Variants in ITGAM observed in about 807,000 individuals in gnomAD.
ITGAM encodes the protein integrin alpha-M.
A neutral mutation model predicts 137.5 loss-of-function variants in ITGAM; 79 were observed. The observed-to-expected ratio is 0.57, with a 90% CI of 0.48 to 0.69. The LOEUF is 0.69. Among genes scored for constraint, ITGAM ranks in the 30% least tolerant of loss-of-function variants. The probability of loss-of-function intolerance (pLI) is 0.00; values close to 1 mark genes in which losing one functional copy is unlikely to be tolerated. For synonymous variants in ITGAM, 583 were observed against 592.3 expected (o/e 0.98, Z 0.23); for missense variants, 1,343 against 1,483.5 (o/e 0.91, Z 1.56).
chr16:31,303,079 G>A (rs1276125205), intron 14 of ITGAM, among the ~76,000 whole-genome samples: 4 of 150,204 alleles, frequency 2.7e-5, no homozygotes, highest in Non-Finnish European at 4.4e-5. Flanking sequence ...TGTTGCCCAG[G>A]CTGGAGTGCA....
At chr16:31,328,401 T>G (rs561349027) in intron 23 of ITGAM, among the ~76,000 whole-genome samples, 171 bp downstream of exon 23, 31 of 151,588 alleles carry the variant, frequency 2.0e-4, no homozygotes, top group African/African-American at 7.5e-4. Context: ...AGTGTGATGA[T>G]CTATGTGCAT....
rs376770639 is a variant in ITGAM, at chr16:31,329,319, G to A, written c.2868+16G>A. On this transcript the variant is annotated intron_variant, in intron 24 of 29. Transcript: ENST00000544665. ...TCAATATCAGGTGGGCAGCTGGGAC[G>A]TCTGGGTCCTGAGAAGGAGGCTGGG... 16 of 1,578,314 alleles carry A rather than the reference G, an allele frequency of 1.0e-5. No individual in the cohort carries two copies. In the East Asian group the frequency reaches 1.1e-4, roughly 11 times the overall value.
rs774156664 is a variant in ITGAM at position 31,321,322 on chromosome 16, GGACT to G, written c.1791_1794del (p.Leu598Ter). The G allele has an allele frequency of 1.2e-6, 2 of 1,613,908 alleles. No homozygotes were observed. Among genetic ancestry groups the G allele is most frequent in the Non-Finnish European group, 1.7e-6 (2 of 1,179,908 alleles). On this transcript the variant is annotated frameshift_variant, in exon 15 of 30. Transcript: ENST00000544665. LOFTEE classifies it high-confidence loss of function. Reference sequence around the variant, plus strand: ...TGGGGGCCAGGACCTCACAATGGATGGACTGGTAGACCTGACTGTAGGAGCCCAG... The same window carrying G: ...TGGGGGCCAGGACCTCACAATGGATGGGTAGACCTGACTGTAGGAGCCCAG...
chr16:31,260,660 G>A (rs1263105944), intron 1 of ITGAM, among the ~76,000 whole-genome samples: 2 of 152,206 alleles, frequency 1.3e-5, no homozygotes, highest in African/African-American at 4.8e-5. Context: ...GCAAATCATC[G>A]TTGTGACACC....
At chr16:31,313,053 A>G (rs1165213188) in intron 14 of ITGAM, among the ~76,000 whole-genome samples, 1 of 151,782 alleles carries the variant, frequency 6.6e-6, no homozygotes, top group African/African-American at 2.4e-5. Flanking sequence ...CCCCATCTCT[A>G]CTAAAAATAC....
chr16:31,267,396 T>A (rs1452758231), intron 5 of ITGAM, among the ~76,000 whole-genome samples: 1 of 152,072 alleles, frequency 6.6e-6, no homozygotes, highest in Non-Finnish European at 1.5e-5. Flanking sequence ...AGGCATGGAC[T>A]CCCTCCACTT....
chr16:31,291,019 T>C (rs1446567706), intron 12 of ITGAM, among the ~76,000 whole-genome samples: 2 of 152,176 alleles, frequency 1.3e-5, no homozygotes, highest in African/African-American at 2.4e-5. Context: ...ACGAATCATG[T>C]ACGGTAACTT....
At chr16:31,291,933 A>G (rs1048519880) in intron 12 of ITGAM, among the ~76,000 whole-genome samples, 1 of 152,128 alleles carries the variant, frequency 6.6e-6, no homozygotes, top group Non-Finnish European at 1.5e-5. Context: ...TAACTACAGG[A>G]ATGGAATTGG....
intron 12 of ITGAM, among the ~76,000 whole-genome samples, chr16:31,293,104 T>C (rs2080102484): frequency 6.6e-6 from 1 of 152,134 alleles, no homozygotes; most frequent in Non-Finnish European, 1.5e-5. Context: ...TTTAATGGCG[T>C]TGTTTTTCTC....
chr16:31,326,821 AT>A, intron 21 of ITGAM, 34 bp from the exon 22 acceptor site: 1 of 1,444,196 alleles, frequency 6.9e-7, no homozygotes, highest in Non-Finnish European at 9.7e-7. Flanking sequence ...TTTCTCTCAT[AT>A]TTCTGTCATT....
chr16:31,285,972 C>G (rs1039478364), intron 12 of ITGAM, among the ~76,000 whole-genome samples: 3 of 152,048 alleles, frequency 2.0e-5, no homozygotes, highest in African/African-American at 7.2e-5. Context: ...GCGCCTGGCC[C>G]AATAGGTGGT....
intron 14 of ITGAM, among the ~76,000 whole-genome samples, chr16:31,309,897 C>T (rs577019251): frequency 6.0e-4 from 92 of 152,164 alleles, no homozygotes; most frequent in African/African-American, 2.2e-3. Flanking sequence ...TATTTTATTT[C>T]TTCTTCACTT....
At chr16:31,273,274 T>A (rs1163350906) in intron 7 of ITGAM, 91 bp from the exon 8 acceptor site, 2 of 1,143,960 alleles carry the variant, frequency 1.7e-6, no homozygotes, top group African/African-American at 3.1e-5. Flanking sequence ...CCAGCCTGGA[T>A]AACAGAGTGA....
intron 14 of ITGAM, among the ~76,000 whole-genome samples, chr16:31,315,424 T>G (rs1268204293): frequency 6.6e-6 from 1 of 151,504 alleles, no homozygotes; most frequent in Non-Finnish European, 1.5e-5. Context: ...ATCTTACATT[T>G]AAGCCTTTAA....
intron 12 of ITGAM, among the ~76,000 whole-genome samples, chr16:31,283,900 G>A (rs2079997816): frequency 6.6e-6 from 1 of 152,130 alleles, no homozygotes; most frequent in African/African-American, 2.4e-5. Context: ...ATACAGATGG[G>A]GTTTTGGTGT....
intron 14 of ITGAM, among the ~76,000 whole-genome samples, chr16:31,309,853 G>A (rs1228208548): frequency 6.6e-6 from 1 of 152,078 alleles, no homozygotes; most frequent in Non-Finnish European, 1.5e-5. Flanking sequence ...GCCTGGTGGT[G>A]ACAAAATCTC....
intron 14 of ITGAM, among the ~76,000 whole-genome samples, chr16:31,305,350 C>G (rs1359626000): frequency 1.3e-5 from 2 of 152,126 alleles, no homozygotes; most frequent in Non-Finnish European, 2.9e-5. Flanking sequence ...ATCTAGGAAT[C>G]TTTTGGATGA....
rs762314640 is a variant in ITGAM, at chr16:31,324,637, C to T, written c.2158-14C>T. ...CTGAGGAGGGCAGATCCCCAAATCC[C>T]GGCTATCTCTTAGAATTGCATCGAG... On this transcript the variant is annotated splice_polypyrimidine_tract_variant and intron_variant, in intron 17 of 29. Transcript: ENST00000544665. This position sits in a 1 kb window ranked among gnomAD's most constrained non-coding sequence, Gnocchi z 4.5. The T allele has an allele frequency of 3.3e-5, 53 of 1,605,252 alleles. No homozygotes were observed. The Admixed American group carries it at 3.4e-4, about 10-fold the overall frequency.
intron 14 of ITGAM, among the ~76,000 whole-genome samples, chr16:31,298,305 G>A (rs1423998372): frequency 6.6e-6 from 1 of 152,080 alleles, no homozygotes; most frequent in Non-Finnish European, 1.5e-5. Context: ...TTGAGCCTGG[G>A]AGGTTGAGGC....
Sources: allele counts gnomAD v4.1 joint callset (sites outside exome capture counted in the v4.1 genomes callset), GRCh38; gene constraint gnomAD v4.1.1; non-coding constraint Gnocchi (gnomAD v3.1); transcripts MANE v1.5; gene names NCBI Gene and HGNC (gene_info 2026-07-23, HGNC 2026-07-21).